The following RNF4 variants were observed in gnomAD, a reference collection of about 807,000 sequenced individuals.
RNF4 encodes the protein E3 ubiquitin-protein ligase RNF4.
Under a neutral mutation model 24.3 loss-of-function variants are expected in RNF4, and 7 were observed. The ratio of observed to expected loss-of-function variants is 0.29; its 90% confidence interval spans 0.16 to 0.54. RNF4 has a LOEUF of 0.54. Among genes scored for constraint, RNF4 ranks in the 20% least tolerant of loss-of-function variants. RNF4 has a pLI of 0.95. For missense variants in RNF4, 209 were observed against 248.5 expected, an observed-to-expected ratio of 0.84 and a Z score of 1.07; for synonymous variants, 83 against 84.3, an observed-to-expected ratio of 0.98 and a Z score of 0.09.
rs147599139 is a variant in RNF4 at position 2,512,367 on chromosome 4, G to C, written c.215-71G>C. 4.4e-5 allele frequency: 68 copies of C among 1,529,386 alleles called. No homozygotes were observed. The African/African-American group carries it at 8.8e-4, about 20-fold the overall frequency. The allele number at this position is 1,529,386 out of a possible 1,614,324, so 94.7% of individuals were successfully genotyped here. A position where few individuals can be genotyped will look rare whatever the true frequency, so the allele number is the denominator to read the frequency against. ...GGGAAGGAAGAGGGTCTTAAGAGGCGTCAGGATGGGAGTGGTGAGGATGGT... is the reference window on the plus strand; with the variant it reads ...GGGAAGGAAGAGGGTCTTAAGAGGCCTCAGGATGGGAGTGGTGAGGATGGT... On this transcript the variant is annotated intron_variant, in intron 5 of 7. Transcript: ENST00000314289. The surrounding 1 kb of genome is among the most constrained non-coding windows in gnomAD (Gnocchi z 4.1).
At chr4:2,485,266 T>C (rs963310044) in intron 1 of RNF4, among the ~76,000 whole-genome samples, 1 of 152,190 alleles carries the variant, frequency 6.6e-6, no homozygotes, top group Non-Finnish European at 1.5e-5. Flanking sequence ...CCCCAGCCTG[T>C]GCATTGCAGC....
chr4:2,483,318 CAATT>C (rs989183093), intron 1 of RNF4, among the ~76,000 whole-genome samples: 3 of 152,118 alleles, frequency 2.0e-5, no homozygotes, highest in African/African-American at 7.2e-5. Context: ...GTGTTCTACT[CAATT>C]AAAGATGTGG....
At chr4:2,492,734 G>A (rs1735618518) in intron 2 of RNF4, among the ~76,000 whole-genome samples, 1 of 152,058 alleles carries the variant, frequency 6.6e-6, no homozygotes. Context: ...TTGTGCTCCA[G>A]GGCCCACTTT....
intron 1 of RNF4, among the ~76,000 whole-genome samples, chr4:2,481,404 T>TA (rs2108753909): frequency 6.6e-6 from 1 of 152,276 alleles, no homozygotes; most frequent in East Asian, 1.9e-4. Flanking sequence ...AAGGAACACA[T>TA]ATGTCCGTAA....
intron 2 of RNF4, among the ~76,000 whole-genome samples, chr4:2,496,702 G>A (rs558455048): frequency 5.9e-5 from 9 of 152,034 alleles, no homozygotes; most frequent in East Asian, 3.9e-4. Context: ...CTCATGATTC[G>A]CCCACCTCAG....
chr4:2,476,434 A>C (rs1735075862), intron 1 of RNF4, among the ~76,000 whole-genome samples: 1 of 152,082 alleles, frequency 6.6e-6, no homozygotes, highest in Non-Finnish European at 1.5e-5. Context: ...TTGCTCTGTC[A>C]CCCAGGCTGG....
chr4:2,495,642 G>GT (rs1553878670), intron 2 of RNF4, among the ~76,000 whole-genome samples: 5 of 148,708 alleles, frequency 3.4e-5, no homozygotes, highest in African/African-American at 9.8e-5. Context: ...TTTTTTTTGG[G>GT]GGGGGGTGAG....
intron 1 of RNF4, among the ~76,000 whole-genome samples, chr4:2,484,454 A>G (rs1474382505): frequency 3.9e-5 from 6 of 152,120 alleles, no homozygotes; most frequent in Non-Finnish European, 7.4e-5. Context: ...ATAGAGACAC[A>G]TGCACATATG....
chr4:2,487,351 T>C (rs537197109), intron 1 of RNF4, among the ~76,000 whole-genome samples: 5 of 152,206 alleles, frequency 3.3e-5, no homozygotes, highest in African/African-American at 4.8e-5. Flanking sequence ...AGTGGTGCCA[T>C]CTTGGCTCAT....
chr4:2,496,951 C>G (rs932554680), intron 2 of RNF4, 56 bp from the exon 3 acceptor site: 2 of 1,352,332 alleles, frequency 1.5e-6, no homozygotes, highest in African/African-American at 2.9e-5. Flanking sequence ...TTAGTTCTTC[C>G]TGAAACCCTG....
rs1491234485 is a variant in RNF4 at position 2,484,074 on chromosome 4, CCG to C, written c.-157-6261_-157-6260del. ...ACTCCTGGCCTCAGGTGATCCCCCCCCGCCTCGGCCTCCCAAAGTGCTGGGAT... is the reference window on the plus strand; with the variant it reads ...ACTCCTGGCCTCAGGTGATCCCCCCCCCTCGGCCTCCCAAAGTGCTGGGAT... On this transcript the variant is annotated intron_variant, in intron 1 of 7. Transcript: ENST00000314289. Among the ~76,000 whole-genome samples the C allele has an allele frequency of 1.2e-4, 7 of 59,576 alleles. 2 individuals are homozygous for C. The highest frequency in any genetic ancestry group is 3.4e-4 in the African/African-American group (6 of 17,396). 39.1% of individuals were successfully genotyped at this position (59,576 alleles called of 152,430 possible).
chr4:2,485,597 G>GT (rs1405006806), intron 1 of RNF4, among the ~76,000 whole-genome samples: 1 of 152,128 alleles, frequency 6.6e-6, no homozygotes, highest in Non-Finnish European at 1.5e-5. Context: ...GGCGTGAGTT[G>GT]TTTCTCCTTT....
At chr4:2,485,190 G>A (rs1414468165) in intron 1 of RNF4, among the ~76,000 whole-genome samples, 1 of 152,162 alleles carries the variant, frequency 6.6e-6, no homozygotes, top group Non-Finnish European at 1.5e-5. Flanking sequence ...CTTTGCTGCT[G>A]CTTCCACTTG....
chr4:2,492,239 C>G (rs928083388), intron 2 of RNF4, among the ~76,000 whole-genome samples: 1 of 151,904 alleles, frequency 6.6e-6, no homozygotes. Context: ...GGCATGGAGT[C>G]TTACTTTATT....
chr4:2,498,319 G>A (rs541227660), intron 3 of RNF4, among the ~76,000 whole-genome samples: 2 of 152,104 alleles, frequency 1.3e-5, no homozygotes, highest in South Asian at 4.2e-4. Flanking sequence ...AAGTAGCTGG[G>A]ATCATAGGCG....
In RNF4 at chr4:2,512,029, G is replaced by T; in HGVS notation, c.214+64G>T. The T allele has an allele frequency of 6.7e-7, 1 of 1,494,478 alleles. No individual in the cohort carries two copies. The allele number at this position is 1,494,478 out of a possible 1,614,324, so 92.6% of individuals were successfully genotyped here. ...GGAAACTGGCATAGGTGAGAGCCGC[G>T]GTGCTGCAGGTCTTGCCAGACCATC... On this transcript the variant is annotated intron_variant, in intron 5 of 7. Coordinates refer to ENST00000314289, the MANE Select transcript of RNF4 (RefSeq NM_002938.5). The surrounding 1 kb of genome is among the most constrained non-coding windows in gnomAD (Gnocchi z 4.1).
chr4:2,484,296 C>T (rs890036388), intron 1 of RNF4, among the ~76,000 whole-genome samples: 2 of 151,928 alleles, frequency 1.3e-5, no homozygotes, highest in African/African-American at 4.8e-5. Context: ...TTCTGCTGTG[C>T]TCCCCACTGC....
At chr4:2,500,244 G>A (rs1735868932) in intron 3 of RNF4, among the ~76,000 whole-genome samples, 1 of 151,984 alleles carries the variant, frequency 6.6e-6, no homozygotes, top group Admixed American at 6.5e-5. Flanking sequence ...TGGGCCAAGT[G>A]AGAGTGGTCA....
chr4:2,505,784 A>T (rs1224875894), intron 4 of RNF4: 3 of 125,232 alleles, frequency 2.4e-5, no homozygotes, highest in African/African-American at 9.7e-5. Context: ...CTCAGGCTAG[A>T]ATGCAGTAGC....
Sources: gnomAD v4.1 joint callset for allele counts (sites outside exome capture counted in the v4.1 genomes callset) on GRCh38, gnomAD v4.1.1 for gene constraint, Gnocchi (gnomAD v3.1) non-coding constraint, MANE v1.5 for transcripts, NCBI Gene and HGNC (gene_info 2026-07-23, HGNC 2026-07-21) for gene names.